Variants in HSPG2 observed in about 807,000 individuals in gnomAD.
HSPG2 encodes heparan sulfate proteoglycan 2.
HSPG2 carries 278 observed loss-of-function variants against 526.6 expected under a neutral mutation model. The observed-to-expected ratio is 0.53, with a 90% CI of 0.48 to 0.58. HSPG2 has a LOEUF of 0.58. HSPG2 is among the 20% of genes least tolerant of loss of function. The probability of loss-of-function intolerance (pLI) is 0.00; values close to 1 mark genes in which losing one functional copy is unlikely to be tolerated. For synonymous variants in HSPG2, 2,465 were observed against 2,555.4 expected (o/e 0.96, Z 1.07); for missense variants, 5,354 against 6,099.5 (o/e 0.88, Z 4.07).
chr1:21,835,521 C>T lies in HSPG2; in HGVS notation c.10453+19G>A, dbSNP rs766565745. ...CTCTGTTCCCTGCTCTTAGCAGAGG[C>T]CTGAAGCCACCCTCCTACCTTGGAT... On this transcript the variant is annotated intron_variant, in intron 76 of 96. Transcript: ENST00000374695. 45 of 1,561,102 alleles carry T rather than the reference C, an allele frequency of 2.9e-5. No individual in the cohort carries two copies. In the South Asian group the frequency reaches 5.0e-4, roughly 17 times the overall value.
At position 21,841,662 on chromosome 1, in the gene HSPG2, T is replaced by C; in HGVS notation, c.9205A>G (p.Ile3069Val). The C allele has an allele frequency of 6.2e-7, 1 of 1,614,086 alleles. No individual in the cohort carries two copies. Among genetic ancestry groups the C allele is most frequent in the Non-Finnish European group, 8.5e-7 (1 of 1,180,016 alleles). The part of the protein sequence containing the change: ...RNQELEDNVH[I>V]SPNGSIITIV... Reference sequence around the variant, plus strand: ...GTGATGATGGAGCCATTGGGACTGATGTGGACGTTGTCTGTGAGGTTGCAT... The same window carrying C: ...GTGATGATGGAGCCATTGGGACTGACGTGGACGTTGTCTGTGAGGTTGCAT... Residue 3069 changes from isoleucine to valine, a missense_variant, in exon 70 of 97, where the codon ATC becomes GTC. Ile to Val is a conservative substitution (Grantham distance 29). Transcript: ENST00000374695.
In HSPG2 at chr1:21,874,949, G is replaced by GGGTCC; in HGVS notation, c.3351_3355dup (p.Pro1119ArgfsTer157). Reference sequence around the variant, plus strand: ...GGAGCACTGTTCCACTTCCAGCGCGGGGTCCTGGCCGGTTTCCTCGGGCAC... The same window carrying GGGTCC: ...GGAGCACTGTTCCACTTCCAGCGCGGGGTCCGGTCCTGGCCGGTTTCCTCGGGCAC... On this transcript the variant is annotated frameshift_variant, in exon 26 of 97. Coordinates refer to ENST00000374695, the MANE Select transcript of HSPG2 (RefSeq NM_005529.7). LOFTEE classifies it high-confidence loss of function. The GGGTCC allele has an allele frequency of 6.2e-7, 1 of 1,612,264 alleles. No homozygotes were observed. Among genetic ancestry groups the GGGTCC allele is most frequent in the Non-Finnish European group, 8.5e-7 (1 of 1,179,394 alleles).
At chr1:21,906,332 C>A (rs750907435) in intron 1 of HSPG2, among the ~76,000 whole-genome samples, 1 of 152,228 alleles carries the variant, frequency 6.6e-6, no homozygotes, top group East Asian at 1.9e-4. Context: ...AGCCAGACAG[C>A]CAGGCCTCAG....
chr1:21,880,486 G>A lies in HSPG2; in HGVS notation c.2072C>T (p.Ala691Val). Residue 691 changes from alanine to valine, a missense_variant, in exon 16 of 97, where the codon GCC becomes GTC. Ala to Val is a moderately conservative substitution (Grantham distance 64). Transcript: ENST00000374695. Reference protein sequence around the residue: ...ELLQVLQSLEAVLIQTVYNTK... With the variant: ...ELLQVLQSLEVVLIQTVYNTK... ...GTTGTACACGGTCTGGATGAGCACG[G>A]CCTCCAGGCTCTGCAGCACCTGCAG... 1 of 1,613,762 alleles carries A rather than the reference G, an allele frequency of 6.2e-7. No homozygotes were observed. The highest frequency in any genetic ancestry group is 8.5e-7 in the Non-Finnish European group (1 of 1,179,964).
chr1:21,937,038 A>T, intron 1 of HSPG2, 117 bp downstream of exon 1: 1 of 269,666 alleles, frequency 3.7e-6, no homozygotes, highest in Non-Finnish European at 5.8e-6. Context: ...CCCGGGCCAG[A>T]GTCCCCGCCG....
rs1447829477 is a variant in HSPG2, at chr1:21,857,389, C to A, written c.5294-4G>T. On this transcript the variant is annotated splice_region_variant and splice_polypyrimidine_tract_variant and intron_variant, in intron 42 of 96. Coordinates refer to ENST00000374695, the MANE Select transcript of HSPG2 (RefSeq NM_005529.7). ...GTGATGGGCTTGCTTGGAGCCTCTG[C>A]AGGGACGGGAAGCCCCCCTGTGAGC... 1 of 1,613,210 alleles carries A rather than the reference C, an allele frequency of 6.2e-7. No individual in the cohort carries two copies. Among genetic ancestry groups the A allele is most frequent in the Non-Finnish European group, 8.5e-7 (1 of 1,179,860 alleles).
chr1:21,826,152 G>A (rs141785896), intron 91 of HSPG2, among the ~76,000 whole-genome samples: 2,068 of 152,126 alleles, frequency 0.014, 24 homozygotes, highest in Non-Finnish European at 0.019. Flanking sequence ...CACAATTGTA[G>A]CTCACTACAG....
rs1187221918 is a variant in HSPG2, at chr1:21,937,191, C to T, written c.27G>A (p.Leu9=). The T allele has an allele frequency of 9.2e-7, 1 of 1,091,616 alleles. No homozygotes were observed. The highest frequency in any genetic ancestry group is 1.1e-6 in the Non-Finnish European group (1 of 887,146). 67.6% of individuals were successfully genotyped at this position (1,091,616 alleles called of 1,614,324 possible). Residue 9 remains leucine (L), a synonymous_variant, in exon 1 of 97, where the codon CTG becomes CTA. Transcript: ENST00000374695. The part of the protein sequence containing the change: MGWRAAGA[L]LLALLLHGRL... ...GCCCGTGCAGCAGCAGCGCCAGCAG[C>T]AGCGCGCCCGCCGCCCGCCACCCCA...
intron 77 of HSPG2, 107 bp from the exon 78 acceptor site, chr1:21,834,032 A>G: frequency 1.3e-6 from 1 of 785,412 alleles, no homozygotes; most frequent in Non-Finnish European, 2.2e-6. Flanking sequence ...GAAGGAAGCC[A>G]CTACATTCCA....
intron 33 of HSPG2, chr1:21,869,441 C>T: frequency 1.0e-6 from 1 of 985,822 alleles, no homozygotes. Flanking sequence ...GGTGGGGATC[C>T]CTTGATGGGC....
intron 37 of HSPG2, among the ~76,000 whole-genome samples, chr1:21,863,069 A>AAAAAAAAAAAAAC (rs1639940820): frequency 1.3e-5 from 1 of 78,338 alleles, no homozygotes; most frequent in Non-Finnish European, 2.7e-5. Flanking sequence ...TCAAAAAAAA[A>AAAAAAAAAAAAAC]AAAAAAAAAA....
chr1:21,837,177 A>G (rs2098029874), intron 74 of HSPG2, among the ~76,000 whole-genome samples, 171 bp from the exon 75 acceptor site: 1 of 152,244 alleles, frequency 6.6e-6, no homozygotes, highest in South Asian at 2.1e-4. Context: ...CTGCACACAC[A>G]GCTGCCATTC....
At position 21,828,107 on chromosome 1, in the gene HSPG2, G is replaced by A. The variant is rs1377175184; in HGVS notation, c.12455C>T (p.Pro4152Leu). Reference sequence around the variant, plus strand: ...CTGGCAGGTGCCCCCATGCAGACAGGGTTCACGGAGCTGGCAGGGGTTCTC... The same window carrying A: ...CTGGCAGGTGCCCCCATGCAGACAGAGTTCACGGAGCTGGCAGGGGTTCTC... Reference protein sequence around the residue: ...HEENPCQLREPCLHGGTCQGT... With the variant: ...HEENPCQLRELCLHGGTCQGT... Residue 4152 changes from proline (P) to leucine (L), a missense_variant, in exon 90 of 97, where the codon CCC becomes CTC. Coordinates refer to ENST00000374695, the MANE Select transcript of HSPG2 (RefSeq NM_005529.7). The surrounding 1 kb of genome is among the most constrained non-coding windows in gnomAD (Gnocchi z 6.0). 55 of 1,613,072 alleles carry A rather than the reference G, an allele frequency of 3.4e-5. No individual in the cohort carries two copies. Among genetic ancestry groups the A allele is most frequent in the Non-Finnish European group, 4.4e-5 (52 of 1,179,952 alleles).
chr1:21,860,345 G>A (rs1175667701), intron 39 of HSPG2, 110 bp from the exon 40 acceptor site: 6 of 983,064 alleles, frequency 6.1e-6, no homozygotes, highest in Non-Finnish European at 9.3e-6. Context: ...AGGTGAGGAG[G>A]CTCGGAGCTC....
intron 1 of HSPG2, among the ~76,000 whole-genome samples, chr1:21,929,109 A>C (rs1253151443): frequency 2.0e-5 from 3 of 152,224 alleles, no homozygotes; most frequent in African/African-American, 7.2e-5. Flanking sequence ...AGCACCAGGC[A>C]AACAGCAATG....
chr1:21,851,390 G>C lies in HSPG2; in HGVS notation c.7158+156C>G, dbSNP rs147194128. On this transcript the variant is annotated intron_variant, in intron 55 of 96. Coordinates refer to ENST00000374695, the MANE Select transcript of HSPG2 (RefSeq NM_005529.7). ...CCAGAATTCACACCCAGGTTAGTCA[G>C]TCCTAGATTCTGGTTTCTAACCACT... 3.2e-5 allele frequency: 34 copies of C among 1,072,790 alleles called. No individual in the cohort carries two copies. The African/African-American group carries it at 4.4e-4, about 14-fold the overall frequency. The allele number at this position is 1,072,790 out of a possible 1,614,324, so 66.5% of individuals were successfully genotyped here. A position where few individuals can be genotyped will look rare whatever the true frequency, so the allele number is the denominator to read the frequency against.
Position 21,922,346 on chromosome 1 carries a change from G to A in HSPG2, c.63+14809C>T, listed in dbSNP as rs115860419. ...CAAAGTGCAACCTGCAGAATGAAAC[G>A]GTGCGGAATTGATGGACGGGAGCTA... is the stretch of plus-strand genomic sequence containing the variant. On this transcript the variant is annotated intron_variant, in intron 1 of 96. Coordinates refer to ENST00000374695, the MANE Select transcript of HSPG2 (RefSeq NM_005529.7). 8.4e-3 allele frequency among the ~76,000 whole-genome samples: 1,281 copies of A among 152,290 alleles called. 19 individuals are homozygous for A. The highest frequency in any genetic ancestry group is 0.025 in the African/African-American group (1,053 of 41,570).
intron 1 of HSPG2, among the ~76,000 whole-genome samples, chr1:21,931,965 C>G (rs899650666): frequency 6.6e-6 from 1 of 152,194 alleles, no homozygotes; most frequent in Non-Finnish European, 1.5e-5. Context: ...GCCTGGCCCA[C>G]TCAGGCCTAA....
chr1:21,860,650 C>T (rs1205967273), intron 39 of HSPG2, among the ~76,000 whole-genome samples: 1 of 152,080 alleles, frequency 6.6e-6, no homozygotes, highest in African/African-American at 2.4e-5. Flanking sequence ...CGCCACCACA[C>T]CCAGCTAATT....
Sources: allele counts gnomAD v4.1 joint callset (sites outside exome capture counted in the v4.1 genomes callset), GRCh38; gene constraint gnomAD v4.1.1; non-coding constraint Gnocchi (gnomAD v3.1); transcripts MANE v1.5; gene names NCBI Gene and HGNC (gene_info 2026-07-23, HGNC 2026-07-21).